The following ZNF512 variants were observed in gnomAD, a reference collection of about 807,000 sequenced individuals.
The protein encoded by ZNF512 is zinc finger protein 512.
Under a neutral mutation model 77.5 loss-of-function variants are expected in ZNF512, and 25 were observed. The observed-to-expected ratio is 0.32, with a 90% CI of 0.23 to 0.45. The LOEUF (loss-of-function observed/expected upper bound fraction) is 0.45, where lower values mean the gene tolerates loss of function less well. Among genes scored for constraint, ZNF512 ranks in the 20% least tolerant of loss-of-function variants. The pLI, the probability that ZNF512 is intolerant of heterozygous loss-of-function variation, is 1.00. For missense variants in ZNF512, 483 were observed against 692.6 expected (o/e 0.70, Z 3.40); for synonymous variants, 246 against 239.9 (o/e 1.03, Z -0.24).
intron 3 of ZNF512, among the ~76,000 whole-genome samples, chr2:27,598,894 C>T (rs371063109): frequency 1.3e-5 from 2 of 151,772 alleles, no homozygotes; most frequent in South Asian, 4.2e-4. Context: ...TGCAATGACT[C>T]GAGCTCAGGC....
chr2:27,593,195 T>TACACACACAC (rs57568574), intron 2 of ZNF512, among the ~76,000 whole-genome samples: 86 of 112,138 alleles, frequency 7.7e-4, no homozygotes, highest in Admixed American at 2.7e-3. Flanking sequence ...ACCCTGTCTC[T>TACACACACAC]ACACACACAC....
At position 27,616,243 on chromosome 2, in the gene ZNF512, T is replaced by C. The variant is rs1558477420; in HGVS notation, c.1234-19T>C. On this transcript the variant is annotated intron_variant, in intron 11 of 13. Transcript: ENST00000355467. Reference sequence around the variant, plus strand: ...GAGCTATTTGGCATAGTCTTCATACTATTTCTTCTCTTTTGCAGGGCTGTG... The same window carrying C: ...GAGCTATTTGGCATAGTCTTCATACCATTTCTTCTCTTTTGCAGGGCTGTG... 1 of 1,608,280 alleles carries C rather than the reference T, an allele frequency of 6.2e-7. No individual in the cohort carries two copies.
intron 9 of ZNF512, among the ~76,000 whole-genome samples, chr2:27,604,706 A>G (rs1449656476): frequency 1.3e-5 from 2 of 152,184 alleles, no homozygotes; most frequent in Non-Finnish European, 2.9e-5. Context: ...ACTTGAGCCC[A>G]GAAGGTTGAG....
chr2:27,591,854 G>A (rs1671600226), intron 2 of ZNF512, among the ~76,000 whole-genome samples: 1 of 152,212 alleles, frequency 6.6e-6, no homozygotes, highest in African/African-American at 2.4e-5. Context: ...TAAAGATACT[G>A]TACTGCCTTG....
chr2:27,618,107 A>G (rs1220605556), intron 13 of ZNF512, among the ~76,000 whole-genome samples: 3 of 152,040 alleles, frequency 2.0e-5, no homozygotes. Context: ...TTCAGTAGAG[A>G]TGGGGTTTTG....
chr2:27,619,769 C>T (rs2148049491), intron 13 of ZNF512, among the ~76,000 whole-genome samples: 1 of 152,220 alleles, frequency 6.6e-6, no homozygotes, highest in African/African-American at 2.4e-5. Context: ...CACTTTTCTC[C>T]TCCCTTAAAG....
At chr2:27,613,520 A>C (rs140974474) in intron 10 of ZNF512, among the ~76,000 whole-genome samples, 1 of 151,830 alleles carries the variant, frequency 6.6e-6, no homozygotes, top group African/African-American at 2.4e-5. Flanking sequence ...ATTTATATAT[A>C]TATACAGTTG....
chr2:27,595,303 CTTT>C (rs1296299471), intron 2 of ZNF512, among the ~76,000 whole-genome samples: 5 of 134,062 alleles, frequency 3.7e-5, no homozygotes, highest in Middle Eastern at 3.3e-3. Flanking sequence ...CTTTTCTTTT[CTTT>C]TTTTTTTTTT....
intron 2 of ZNF512, among the ~76,000 whole-genome samples, chr2:27,595,929 T>C (rs1213724787): frequency 6.6e-6 from 1 of 152,234 alleles, no homozygotes; most frequent in East Asian, 1.9e-4. Context: ...TGAAAATTGC[T>C]CACATTTTCC....
chr2:27,607,731 G>A, intron 9 of ZNF512, 114 bp from the exon 10 acceptor site: 2 of 977,340 alleles, frequency 2.0e-6, no homozygotes, highest in Non-Finnish European at 3.0e-6. Flanking sequence ...CTAGTGGTTA[G>A]CAATCTACTA....
At position 27,583,106 on chromosome 2, in the gene ZNF512, G is replaced by C; in HGVS notation, c.-7G>C. ...TGGGTGAAATTGTTAGGCGTGGAGA[G>C]GGAGTGATGTCTTCCAGACTCGGTG... On this transcript the variant is annotated 5_prime_UTR_variant, in exon 1 of 14. Coordinates refer to ENST00000355467, the MANE Select transcript of ZNF512 (RefSeq NM_032434.4). 6.2e-7 allele frequency: 1 copy of C among 1,614,194 alleles called. No individual in the cohort carries two copies. Among genetic ancestry groups the C allele is most frequent in the African/African-American group, 1.3e-5 (1 of 75,048 alleles).
At chr2:27,583,312 C>T (rs1671194019) in intron 1 of ZNF512, 170 bp downstream of exon 1, 1 of 1,267,732 alleles carries the variant, frequency 7.9e-7, no homozygotes, top group African/African-American at 1.5e-5. Flanking sequence ...GTTCTGCTGC[C>T]TGTTCCCCAC....
chr2:27,584,645 A>T (rs924178307), intron 2 of ZNF512, among the ~76,000 whole-genome samples: 1 of 152,232 alleles, frequency 6.6e-6, no homozygotes, highest in African/African-American at 2.4e-5. Context: ...GAAGGGAAGG[A>T]TTATCAGAGC....
At chr2:27,591,073 G>T (rs984811381) in intron 2 of ZNF512, among the ~76,000 whole-genome samples, 3 of 151,990 alleles carry the variant, frequency 2.0e-5, no homozygotes, top group Non-Finnish European at 2.9e-5. Context: ...GTCTCACTCT[G>T]TTGCCAAGGC....
intron 3 of ZNF512, among the ~76,000 whole-genome samples, chr2:27,598,629 A>C (rs1275355782): frequency 1.4e-5 from 2 of 138,818 alleles, no homozygotes; most frequent in African/African-American, 5.5e-5. Context: ...ACTCCGTCTC[A>C]AAAAAAAAAA....
At chr2:27,615,408 G>A in intron 11 of ZNF512, 139 bp downstream of exon 11, 1 of 544,198 alleles carries the variant, frequency 1.8e-6, no homozygotes, top group Non-Finnish European at 3.1e-6. Flanking sequence ...ATTCCATAGA[G>A]CAATAATTCT....
chr2:27,602,637 C>G, intron 8 of ZNF512, 76 bp downstream of exon 8: 1 of 1,299,004 alleles, frequency 7.7e-7, no homozygotes, highest in Non-Finnish European at 1.1e-6. Context: ...TCCATTTCTT[C>G]TCTTCCTCAT....
chr2:27,620,575 C>G (rs1330046014), intron 13 of ZNF512, among the ~76,000 whole-genome samples: 2 of 152,166 alleles, frequency 1.3e-5, no homozygotes, highest in African/African-American at 4.8e-5. Flanking sequence ...ACTCCCTATT[C>G]TGGCTTTTCC....
chr2:27,603,086 G>A (rs1347589665), intron 8 of ZNF512, 54 bp from the exon 9 acceptor site: 2 of 1,590,636 alleles, frequency 1.3e-6, no homozygotes, highest in African/African-American at 2.7e-5. Flanking sequence ...TAGAAATTTA[G>A]GGATCATGTC....
Sources: gnomAD v4.1 joint callset for allele counts (sites outside exome capture counted in the v4.1 genomes callset) on GRCh38, gnomAD v4.1.1 for gene constraint, MANE v1.5 for transcripts, NCBI Gene and HGNC (gene_info 2026-07-23, HGNC 2026-07-21) for gene names.